Variants in GBE1 observed in about 807,000 individuals in gnomAD.
GBE1 encodes the protein 1,4-alpha-glucan-branching enzyme.
GBE1 carries 70 observed loss-of-function variants against 88.8 expected under a neutral mutation model. The observed-to-expected ratio is 0.79, with a 90% CI of 0.65 to 0.96. The LOEUF is 0.96. GBE1 is among the 40% of genes least tolerant of loss of function. The pLI is 0.00. For missense variants in GBE1, 872 were observed against 871.0 expected, an observed-to-expected ratio of 1.00 and a Z score of -0.01; for synonymous variants, 284 against 300.1, an observed-to-expected ratio of 0.95 and a Z score of 0.56.
At chr3:81,637,335 C>A (rs1576180231) in intron 7 of GBE1, among the ~76,000 whole-genome samples, 1 of 151,996 alleles carries the variant, frequency 6.6e-6, no homozygotes, top group African/African-American at 2.4e-5. Context: ...CTGGAATTTT[C>A]CATTTAATAT....
chr3:81,720,037 A>G (rs1209577557), intron 1 of GBE1, among the ~76,000 whole-genome samples: 1 of 152,148 alleles, frequency 6.6e-6, no homozygotes, highest in Non-Finnish European at 1.5e-5. Context: ...CTCAGGAGAT[A>G]TATATATTTC....
In GBE1 at chr3:81,591,081, G is replaced by A; in HGVS notation, c.1192C>T (p.His398Tyr). 1 of 1,610,206 alleles carries A rather than the reference G, an allele frequency of 6.2e-7. No individual in the cohort carries two copies. The highest frequency in any genetic ancestry group is 8.5e-7 in the Non-Finnish European group (1 of 1,177,918). The change falls in exon 9 of 16, where the codon CAT becomes TAT. Residue 398 changes from histidine (H) to tyrosine (Y), a missense_variant. Physicochemically the swap from His to Tyr is moderately conservative, Grantham distance 83. Transcript: ENST00000429644. ...TCGGGACACAGCGTGTGAACCAAAT[G>A]ATTTGCCAACATGAGGTAAGTCAAG... ...DALTYLMLANHLVHTLCPDSI... is the reference protein window; with the variant it reads ...DALTYLMLANYLVHTLCPDSI...
At chr3:81,553,913 AT>A (rs926371899) in intron 12 of GBE1, among the ~76,000 whole-genome samples, 2 of 152,102 alleles carry the variant, frequency 1.3e-5, no homozygotes, top group South Asian at 2.1e-4. Context: ...CCTATATGCC[AT>A]TTTTTGGCAC....
chr3:81,652,869 G>A (rs996872008), intron 3 of GBE1, among the ~76,000 whole-genome samples: 2 of 152,152 alleles, frequency 1.3e-5, no homozygotes, highest in African/African-American at 4.8e-5. Flanking sequence ...CTCTTTTGGT[G>A]AGGGGGAGGG....
chr3:81,710,050 T>C (rs951151326), intron 1 of GBE1, among the ~76,000 whole-genome samples: 1 of 152,054 alleles, frequency 6.6e-6, no homozygotes, highest in African/African-American at 2.4e-5. Context: ...CTCTGTTACA[T>C]AGGAAGAGAC....
At chr3:81,594,270 G>T (rs1312818385) in intron 7 of GBE1, among the ~76,000 whole-genome samples, 1 of 151,892 alleles carries the variant, frequency 6.6e-6, no homozygotes, top group Non-Finnish European at 1.5e-5. Context: ...AAAATTTAGG[G>T]AAAACATTTT....
At chr3:81,716,231 T>C (rs914859405) in intron 1 of GBE1, among the ~76,000 whole-genome samples, 4 of 152,158 alleles carry the variant, frequency 2.6e-5, no homozygotes, top group African/African-American at 7.2e-5. Flanking sequence ...GCAATGAAAA[T>C]TGGCTACTTT....
At chr3:81,581,075 A>G (rs541851433) in intron 11 of GBE1, 90 bp downstream of exon 11, 1 of 736,322 alleles carries the variant, frequency 1.4e-6, no homozygotes, top group African/African-American at 1.8e-5. Flanking sequence ...TTATATTTCG[A>G]TATGTTTATA....
chr3:81,524,795 G>C (rs192813282), intron 14 of GBE1, among the ~76,000 whole-genome samples: 2 of 151,994 alleles, frequency 1.3e-5, no homozygotes, highest in African/African-American at 4.8e-5. Flanking sequence ...TTACCATGCT[G>C]TTTTGGTCAC....
intron 6 of GBE1, among the ~76,000 whole-genome samples, chr3:81,643,446 C>T (rs1343861342): frequency 2.0e-5 from 3 of 152,034 alleles, no homozygotes; most frequent in Non-Finnish European, 4.4e-5. Context: ...AAACAGAATG[C>T]CCACAGTTAC....
At chr3:81,601,410 T>C (rs1196504620) in intron 7 of GBE1, among the ~76,000 whole-genome samples, 1 of 152,154 alleles carries the variant, frequency 6.6e-6, no homozygotes, top group East Asian at 1.9e-4. Flanking sequence ...AAAAATTATT[T>C]CTTGTTTTTG....
At chr3:81,662,705 T>A (rs1705048547) in intron 3 of GBE1, among the ~76,000 whole-genome samples, 1 of 151,994 alleles carries the variant, frequency 6.6e-6, no homozygotes, top group African/African-American at 2.4e-5. Context: ...GTTACCAATG[T>A]TACTTTAAAT....
chr3:81,612,762 G>T (rs369691751), intron 7 of GBE1: 1 of 438,786 alleles, frequency 2.3e-6, no homozygotes, highest in East Asian at 5.6e-5. Context: ...AGGAGCAGAT[G>T]TCTCCTTGGG....
At chr3:81,711,897 A>G (rs534804542) in intron 1 of GBE1, among the ~76,000 whole-genome samples, 1 of 152,268 alleles carries the variant, frequency 6.6e-6, no homozygotes, top group African/African-American at 2.4e-5. Context: ...AATTTTTGCA[A>G]TCTACTCATC....
chr3:81,564,070 T>C (rs1182601942), intron 12 of GBE1, among the ~76,000 whole-genome samples: 1 of 152,088 alleles, frequency 6.6e-6, no homozygotes, highest in African/African-American at 2.4e-5. Flanking sequence ...ATGTGGCCTC[T>C]GGGAGGTGAT....
chr3:81,761,595 G>C lies in GBE1; in HGVS notation c.-78C>G, dbSNP rs1329006377. ...CGGGCGCTGGAGCTCTAGCTGGGAC[G>C]CGGCGGCTAGGGCGGAGCCGGAGGG... On this transcript the variant is annotated 5_prime_UTR_variant, in exon 1 of 16. Transcript: ENST00000429644. 4.7e-6 allele frequency: 7 copies of C among 1,505,366 alleles called. No homozygotes were observed. Among genetic ancestry groups the C allele is most frequent in the Non-Finnish European group, 6.2e-6 (7 of 1,125,196 alleles). The allele number at this position is 1,505,366 out of a possible 1,614,324, so 93.3% of individuals were successfully genotyped here. A position where few individuals can be genotyped will look rare whatever the true frequency, so the allele number is the denominator to read the frequency against.
chr3:81,761,546 C>T lies in GBE1; in HGVS notation c.-29G>A. 4.2e-6 allele frequency: 6 copies of T among 1,445,426 alleles called. No homozygotes were observed. The highest frequency in any genetic ancestry group is 6.0e-5 in the African/African-American group (2 of 33,090). 89.5% of individuals were successfully genotyped at this position (1,445,426 alleles called of 1,614,324 possible). On this transcript the variant is annotated 5_prime_UTR_variant, in exon 1 of 16. Coordinates refer to ENST00000429644, the MANE Select transcript of GBE1 (RefSeq NM_000158.4). ...CCGCCGCAGTCCAAGTAGCCGAGGC[C>T]CGAGAGGTCGAGTGGGGCCTGAGCG... is the stretch of plus-strand genomic sequence containing the variant.
intron 3 of GBE1, among the ~76,000 whole-genome samples, chr3:81,652,184 C>T (rs758731734): frequency 3.3e-5 from 5 of 152,204 alleles, no homozygotes; most frequent in Admixed American, 1.3e-4. Context: ...GTGAACCCAA[C>T]GTGTGAGCAG....
intron 12 of GBE1, among the ~76,000 whole-genome samples, chr3:81,576,643 T>C (rs1336276951): frequency 2.0e-5 from 3 of 152,168 alleles, no homozygotes; most frequent in Non-Finnish European, 4.4e-5. Context: ...TAAGGCTGAC[T>C]TTATTTATGG....
Sources: gnomAD v4.1 joint callset for allele counts (sites outside exome capture counted in the v4.1 genomes callset) on GRCh38, gnomAD v4.1.1 for gene constraint, MANE v1.5 for transcripts, NCBI Gene and HGNC (gene_info 2026-07-23, HGNC 2026-07-21) for gene names.